The following COX10 variants were observed in gnomAD, a reference collection of about 807,000 sequenced individuals.
The protein encoded by COX10 is protoheme IX farnesyltransferase, mitochondrial.
In COX10, 27 loss-of-function variants were observed where a neutral mutation model predicts 37.3. That is an observed-to-expected ratio of 0.72 (90% CI 0.53 to 1.00). COX10 has a LOEUF of 1.00. Ranked by LOEUF, COX10 falls within the 50% of genes least tolerant of loss-of-function variation. The pLI, the probability that COX10 is intolerant of heterozygous loss-of-function variation, is 0.00. For synonymous variants in COX10, 222 were observed against 229.1 expected (o/e 0.97, Z 0.28); for missense variants, 475 against 563.2 (o/e 0.84, Z 1.59).
intron 4 of COX10, among the ~76,000 whole-genome samples, chr17:14,143,419 A>G (rs1372566668): frequency 6.6e-6 from 1 of 152,190 alleles, no homozygotes; most frequent in Non-Finnish European, 1.5e-5. Flanking sequence ...GGAATTGATA[A>G]GAAAGTCTTT....
At chr17:14,148,967 A>C (rs1015514758) in intron 4 of COX10, among the ~76,000 whole-genome samples, 11 of 148,278 alleles carry the variant, frequency 7.4e-5, no homozygotes, top group Admixed American at 2.0e-4. Flanking sequence ...ATATAACGTT[A>C]TATTTTATAA....
At chr17:14,164,520 A>T (rs73979179) in intron 5 of COX10, among the ~76,000 whole-genome samples, 2,458 of 152,314 alleles carry the variant, frequency 0.016, 71 homozygotes, top group African/African-American at 0.055. Flanking sequence ...GAATTTTTAA[A>T]TTATTTTTTC....
At chr17:14,100,757 G>A (rs1184362678) in intron 3 of COX10, among the ~76,000 whole-genome samples, 1 of 152,182 alleles carries the variant, frequency 6.6e-6, no homozygotes, top group African/African-American at 2.4e-5. Context: ...GATTTGATCT[G>A]TTTTCATTTT....
intron 4 of COX10, among the ~76,000 whole-genome samples, chr17:14,155,824 C>T (rs1329468480): frequency 1.3e-5 from 2 of 152,122 alleles, no homozygotes; most frequent in East Asian, 3.9e-4. Flanking sequence ...GGAGATGTTG[C>T]TTCCTCTTCA....
At chr17:14,146,224 A>C (rs1158638471) in intron 4 of COX10, among the ~76,000 whole-genome samples, 2 of 152,214 alleles carry the variant, frequency 1.3e-5, no homozygotes, top group South Asian at 4.1e-4. Flanking sequence ...ATAGTAACCA[A>C]AGAGCTATAG....
chr17:14,089,909 A>G (rs1597496290), intron 3 of COX10, among the ~76,000 whole-genome samples: 1 of 152,064 alleles, frequency 6.6e-6, no homozygotes, highest in African/African-American at 2.4e-5. Context: ...CTAGCTCTTT[A>G]CTGTCAGCAC....
intron 5 of COX10, among the ~76,000 whole-genome samples, chr17:14,182,762 T>C (rs542777886): frequency 2.0e-5 from 3 of 151,918 alleles, no homozygotes; most frequent in South Asian, 4.2e-4. Flanking sequence ...ATGAAATTAA[T>C]TTTTGTCTAA....
At chr17:14,182,872 C>G (rs944540376) in intron 5 of COX10, among the ~76,000 whole-genome samples, 1 of 151,052 alleles carries the variant, frequency 6.6e-6, no homozygotes, top group Non-Finnish European at 1.5e-5. Flanking sequence ...CACATTTTTC[C>G]AGGAAGTTAT....
At chr17:14,192,533 C>T (rs561288267) in intron 6 of COX10, among the ~76,000 whole-genome samples, 3 of 152,260 alleles carry the variant, frequency 2.0e-5, no homozygotes, top group South Asian at 2.1e-4. Context: ...AAATCACAAA[C>T]GAAGCTAGGA....
At chr17:14,075,132 A>G (rs1388803114) in intron 2 of COX10, among the ~76,000 whole-genome samples, 1 of 152,240 alleles carries the variant, frequency 6.6e-6, no homozygotes, top group East Asian at 1.9e-4. Context: ...GTCCTATTTT[A>G]CATTTCTCTC....
chr17:14,199,001 A>G lies in COX10; in HGVS notation c.928+6780A>G, dbSNP rs983222048. 2.3e-4 allele frequency among the ~76,000 whole-genome samples: 35 copies of G among 152,230 alleles called. 2 individuals are homozygous for G. The highest frequency in any genetic ancestry group is 7.3e-5 in the Non-Finnish European group (5 of 68,046). ...AATGATAGTTTTAAAGACAAAATAA[A>G]CAAGGAACATTTTCATGGGAATATT... is the stretch of plus-strand genomic sequence containing the variant. On this transcript the variant is annotated intron_variant, in intron 6 of 6. Coordinates refer to ENST00000261643, the MANE Select transcript of COX10 (RefSeq NM_001303.4).
At chr17:14,181,932 G>A (rs1295782518) in intron 5 of COX10, 24 of 925,788 alleles carry the variant, frequency 2.6e-5, no homozygotes, top group South Asian at 1.5e-4. Flanking sequence ...GGGTCACCAC[G>A]TACTCCCCTC....
rs540369218 is a variant in COX10 at position 14,093,961 on chromosome 17, A to T, written c.500-8157A>T. ...CCAGTGCTTTGGGAAGCAGAGTCAGAGGTGGAGGAATCACTTGAGGCCAGG... is the reference window on the plus strand; with the variant it reads ...CCAGTGCTTTGGGAAGCAGAGTCAGTGGTGGAGGAATCACTTGAGGCCAGG... On this transcript the variant is annotated intron_variant, in intron 3 of 6. Coordinates refer to ENST00000261643, the MANE Select transcript of COX10 (RefSeq NM_001303.4). 3.9e-5 allele frequency among the ~76,000 whole-genome samples: 6 copies of T among 152,302 alleles called. No homozygotes were observed. In the East Asian group the frequency reaches 1.2e-3, roughly 29 times the overall value.
chr17:14,172,275 C>T (rs933563720), intron 5 of COX10, among the ~76,000 whole-genome samples: 1 of 119,288 alleles, frequency 8.4e-6, no homozygotes, highest in African/African-American at 2.6e-5. Flanking sequence ...GGTAGATACT[C>T]AGTAGTGGGA....
At chr17:14,202,064 T>C (rs1392110571) in intron 6 of COX10, among the ~76,000 whole-genome samples, 1 of 148,482 alleles carries the variant, frequency 6.7e-6, no homozygotes, top group Non-Finnish European at 1.5e-5. Flanking sequence ...TTCTAGTTGA[T>C]AGTTTTGTCA....
chr17:14,089,546 C>T (rs886103027), intron 3 of COX10, among the ~76,000 whole-genome samples: 6 of 152,178 alleles, frequency 3.9e-5, no homozygotes, highest in Non-Finnish European at 5.9e-5. Flanking sequence ...AGAAAGCAAA[C>T]CAGGTGGCAA....
chr17:14,115,829 C>T (rs924474204), intron 4 of COX10, among the ~76,000 whole-genome samples: 3 of 152,074 alleles, frequency 2.0e-5, no homozygotes, highest in African/African-American at 7.2e-5. Flanking sequence ...AATGTGTACA[C>T]ATGGCCATAG....
At chr17:14,127,165 A>C (rs1567597202) in intron 4 of COX10, among the ~76,000 whole-genome samples, 1 of 152,188 alleles carries the variant, frequency 6.6e-6, no homozygotes, top group African/African-American at 2.4e-5. Flanking sequence ...AGGCATAAAG[A>C]AACTTGTTTT....
chr17:14,155,323 T>C (rs1375329348), intron 4 of COX10, among the ~76,000 whole-genome samples: 2 of 48,326 alleles, frequency 4.1e-5, no homozygotes, highest in Non-Finnish European at 8.1e-5. Flanking sequence ...TGTTAAAACA[T>C]CTACATAAAA....
Sources: allele counts gnomAD v4.1 joint callset (sites outside exome capture counted in the v4.1 genomes callset), GRCh38; gene constraint gnomAD v4.1.1; transcripts MANE v1.5; gene names NCBI Gene and HGNC (gene_info 2026-07-23, HGNC 2026-07-21).